SEMA4C: variants seen among roughly 807,000 people sequenced by gnomAD.
SEMA4C encodes semaphorin-4C.
A neutral mutation model predicts 89.0 loss-of-function variants in SEMA4C; 19 were observed. The observed-to-expected ratio is 0.21, with a 90% CI of 0.15 to 0.31. SEMA4C has a LOEUF of 0.31. Among genes scored for constraint, SEMA4C ranks in the 10% least tolerant of loss-of-function variants. SEMA4C has a pLI of 1.00. For synonymous variants in SEMA4C, 428 were observed against 472.7 expected, an observed-to-expected ratio of 0.91 and a Z score of 1.23; for missense variants, 811 against 1,107.0, an observed-to-expected ratio of 0.73 and a Z score of 3.79.
At position 96,864,076 on chromosome 2, in the gene SEMA4C, C is replaced by T. The variant is rs1409371299; in HGVS notation, c.1180G>A (p.Val394Ile). The T allele has an allele frequency of 1.9e-6, 3 of 1,612,964 alleles. No individual in the cohort carries two copies. Among genetic ancestry groups the T allele is most frequent in the South Asian group, 1.1e-5 (1 of 91,072 alleles). ...TCCTCCATCAGCGGGTGCTTCTTGA[C>T]GAAGTTGAGGATGTTGTCGGGTAGC... The part of the protein sequence containing the change: ...LELPDNILNF[V>I]KKHPLMEEQV... The change falls in exon 11 of 15, where the codon GTC becomes ATC. Residue 394 changes from valine (V) to isoleucine (I), a missense_variant. Transcript: ENST00000305476. The surrounding 1 kb of genome is among the most constrained non-coding windows in gnomAD (Gnocchi z 6.3).
chr2:96,869,730 C>T, intron 1 of SEMA4C, 146 bp downstream of exon 1: 3 of 985,262 alleles, frequency 3.0e-6, no homozygotes, highest in Non-Finnish European at 3.6e-6. Flanking sequence ...GAAGGATCCC[C>T]GCGTACAGCC....
At chr2:96,866,258 T>C (rs1267845588) in intron 3 of SEMA4C, 25 bp downstream of exon 3, 1 of 1,591,290 alleles carries the variant, frequency 6.3e-7, no homozygotes, top group African/African-American at 1.3e-5. Flanking sequence ...CAGGCCCGAC[T>C]GCCTCCCACT....
rs1308435255 is a variant in SEMA4C, at chr2:96,860,651, G to T, written c.2477C>A (p.Ser826Tyr). The T allele has an allele frequency of 1.2e-6, 2 of 1,611,696 alleles. No individual in the cohort carries two copies. The part of the protein sequence containing the change: ...KLQQRQPLPD[S>Y]NPEESSV ...TCATACTGATGACTCCTCGGGGTTG[G>T]AGTCGGGCAGTGGCTGGCGTTGCTG... Residue 826 changes from serine to tyrosine, a missense_variant, in exon 15 of 15, where the codon TCC (serine) becomes TAC (tyrosine). By Grantham distance (144) the Ser-to-Tyr change is moderately radical. This residue lies in a region of SEMA4C where 248 missense variants were observed against 269.0 expected (regional missense o/e 0.92). Transcript: ENST00000305476.
chr2:96,869,132 G>T, intron 1 of SEMA4C: 1 of 985,332 alleles, frequency 1.0e-6, no homozygotes, highest in Non-Finnish European at 1.2e-6. Context: ...GAGAGCGGGG[G>T]CTGCGCCCCA....
At position 96,861,504 on chromosome 2, in the gene SEMA4C, C is replaced by T; in HGVS notation, c.1673-49G>A. 1 of 1,609,202 alleles carries T rather than the reference C, an allele frequency of 6.2e-7. No individual in the cohort carries two copies. The highest frequency in any genetic ancestry group is 8.5e-7 in the Non-Finnish European group (1 of 1,176,096). On this transcript the variant is annotated intron_variant, in intron 14 of 14. Coordinates refer to ENST00000305476, the MANE Select transcript of SEMA4C (RefSeq NM_017789.5). The surrounding 1 kb of genome is among the most constrained non-coding windows in gnomAD (Gnocchi z 7.8). The stretch of plus-strand genomic sequence containing the variant: ...TGCATGTTAGTGCAGGAAAGCAGGG[C>T]TGGGGAAGAGGAGAACAGAAACTCC...
At chr2:96,868,456 T>G (rs2080131777) in intron 1 of SEMA4C, 1 of 996,990 alleles carries the variant, frequency 1.0e-6, no homozygotes, top group South Asian at 4.4e-5. Flanking sequence ...GGTCCCGGCC[T>G]GTCCCCTTCC....
chr2:96,866,046 T>C, intron 3 of SEMA4C, 117 bp from the exon 4 acceptor site: 2 of 1,157,096 alleles, frequency 1.7e-6, no homozygotes, highest in Non-Finnish European at 2.5e-6. Flanking sequence ...GTCCCTATTC[T>C]CTGGGGACTT....
At chr2:96,862,023 A>C (rs1559031718) in intron 12 of SEMA4C, 129 bp from the exon 13 acceptor site, 1 of 1,005,126 alleles carries the variant, frequency 9.9e-7, no homozygotes, top group African/African-American at 1.6e-5. Context: ...CGCCAGAAGG[A>C]GGAACAAGGG....
At chr2:96,869,001 G>T (rs2080146169) in intron 1 of SEMA4C, 13 of 985,144 alleles carry the variant, frequency 1.3e-5, no homozygotes, top group African/African-American at 1.7e-5. Flanking sequence ...CCCGTCCCGG[G>T]TCCCCCCGGG....
chr2:96,864,401 G>C lies in SEMA4C; in HGVS notation c.963-19C>G. On this transcript the variant is annotated intron_variant, in intron 9 of 14. Transcript: ENST00000305476. The surrounding 1 kb of genome is among the most constrained non-coding windows in gnomAD (Gnocchi z 6.3). ...GTCACCCCTGTCACAGCGAGAGGGAGCCCAGGGTCAGGTACCCACCTTATC... is the reference window on the plus strand; with the variant it reads ...GTCACCCCTGTCACAGCGAGAGGGACCCCAGGGTCAGGTACCCACCTTATC... 2 of 1,612,168 alleles carry C rather than the reference G, an allele frequency of 1.2e-6. No individual in the cohort carries two copies. The highest frequency in any genetic ancestry group is 1.7e-6 in the Non-Finnish European group (2 of 1,179,930).
upstream of SEMA4C, chr2:96,870,536 C>A: frequency 1.0e-6 from 1 of 985,108 alleles, no homozygotes; most frequent in Non-Finnish European, 1.2e-6. Context: ...TTGGGGCGGA[C>A]CAGAGGGGTC....
At chr2:96,868,749 G>A (rs1053854986) in intron 1 of SEMA4C, 4 of 985,276 alleles carry the variant, frequency 4.1e-6, no homozygotes, top group Non-Finnish European at 4.8e-6. Flanking sequence ...GACGGGGGGA[G>A]GTAGGGGCGG....
At chr2:96,868,778 C>T in intron 1 of SEMA4C, 2 of 985,150 alleles carry the variant, frequency 2.0e-6, no homozygotes, top group Non-Finnish European at 2.4e-6. Context: ...GGGGGTTCCT[C>T]CCGGGCCGCT....
At position 96,863,883 on chromosome 2, in the gene SEMA4C, T is replaced by C. The variant is rs372305531; in HGVS notation, c.1330+43A>G. 8 of 1,596,710 alleles carry C rather than the reference T, an allele frequency of 5.0e-6. No individual in the cohort carries two copies. In the African/African-American group the frequency reaches 1.1e-4, roughly 21 times the overall value. On this transcript the variant is annotated intron_variant, in intron 11 of 14. Coordinates refer to ENST00000305476, the MANE Select transcript of SEMA4C (RefSeq NM_017789.5). The stretch of plus-strand genomic sequence containing the variant: ...TCCCTGCCCTGGGCACACGGGCTTC[T>C]GCCCAGCCTTGAGCAGCCATGCCTG...
rs2080016073 is a variant in SEMA4C at position 96,864,185 on chromosome 2, G to A, written c.1108-37C>T. 1 of 1,612,916 alleles carries A rather than the reference G, an allele frequency of 6.2e-7. No individual in the cohort carries two copies. The highest frequency in any genetic ancestry group is 1.3e-5 in the African/African-American group (1 of 75,010). On this transcript the variant is annotated intron_variant, in intron 10 of 14. Transcript: ENST00000305476. The surrounding 1 kb of genome is among the most constrained non-coding windows in gnomAD (Gnocchi z 6.3). ...GTGTGGGGGGCAGGCCATCAGCAGG[G>A]TGGGATGGCACCGCAGCTGGGTGGG...
At chr2:96,870,680 C>A, upstream of SEMA4C, 1 of 985,554 alleles carries the variant, frequency 1.0e-6, no homozygotes, top group Non-Finnish European at 1.2e-6. Flanking sequence ...GCTTCTCACG[C>A]TTTGGGCAAA....
At position 96,864,098 on chromosome 2, in the gene SEMA4C, T is replaced by C. The variant is rs2080013592; in HGVS notation, c.1158A>G (p.Leu386=). ...TGACGAAGTTGAGGATGTTGTCGGG[T>C]AGCTCCAGGGAGCTGGTGTAGCCGT... ...RRHGYTSSLE[L]PDNILNFVKK... is the part of the protein sequence containing the mutation. The change falls in exon 11 of 15, where the codon CTA becomes CTG. Residue 386 remains leucine (L), a synonymous_variant. Transcript: ENST00000305476. The surrounding 1 kb of genome is among the most constrained non-coding windows in gnomAD (Gnocchi z 6.3). 5.6e-6 allele frequency: 9 copies of C among 1,612,512 alleles called. No homozygotes were observed. Among genetic ancestry groups the C allele is most frequent in the Non-Finnish European group, 7.6e-6 (9 of 1,179,950 alleles).
At chr2:96,868,167 T>G (rs1574156827) in intron 1 of SEMA4C, among the ~76,000 whole-genome samples, 1 of 152,130 alleles carries the variant, frequency 6.6e-6, no homozygotes, top group Non-Finnish European at 1.5e-5. Context: ...CGGGAAGCCC[T>G]CCCTGGCCTC....
rs991827037 is a variant in SEMA4C at position 96,861,351 on chromosome 2, G to A, written c.1777C>T (p.Arg593Trp). The change falls in exon 15 of 15, where the codon CGG (arginine) becomes TGG (tryptophan). Residue 593 changes from arginine (R) to tryptophan (W), a missense_variant. Arg to Trp is a moderately radical substitution (Grantham distance 101). Coordinates refer to ENST00000305476, the MANE Select transcript of SEMA4C (RefSeq NM_017789.5). The surrounding 1 kb of genome is among the most constrained non-coding windows in gnomAD (Gnocchi z 7.8). ...LAHARWTFGGRDLPAEQPGSF... is the reference protein window; with the variant it reads ...LAHARWTFGGWDLPAEQPGSF... ...CCGGGCTGTTCCGCAGGCAGGTCCC[G>A]GCCCCCAAAGGTCCAGCGGGCATGG... The A allele has an allele frequency of 3.1e-6, 5 of 1,607,296 alleles. No individual in the cohort carries two copies. Among genetic ancestry groups the A allele is most frequent in the African/African-American group, 2.7e-5 (2 of 74,920 alleles).
Sources: gnomAD v4.1 joint callset for allele counts (sites outside exome capture counted in the v4.1 genomes callset) on GRCh38, gnomAD v4.1.1 for gene constraint, gnomAD v4.1.1 regional missense constraint, Gnocchi (gnomAD v3.1) non-coding constraint, MANE v1.5 for transcripts, NCBI Gene and HGNC (gene_info 2026-07-23, HGNC 2026-07-21) for gene names.